PTBP3: variants seen among roughly 807,000 people sequenced by gnomAD.
PTBP3 encodes the protein polypyrimidine tract binding protein 3.
Under a neutral mutation model 58.7 loss-of-function variants are expected in PTBP3, and 20 were observed. That is an observed-to-expected ratio of 0.34 (90% CI 0.24 to 0.50). PTBP3 has a LOEUF of 0.50. PTBP3 is among the 20% of genes least tolerant of loss of function. The probability of loss-of-function intolerance (pLI) is 0.98; values close to 1 mark genes in which losing one functional copy is unlikely to be tolerated. For synonymous variants in PTBP3, 185 were observed against 219.8 expected, an observed-to-expected ratio of 0.84 and a Z score of 1.40; for missense variants, 509 against 637.2, an observed-to-expected ratio of 0.80 and a Z score of 2.17.
intron 1 of PTBP3, among the ~76,000 whole-genome samples, chr9:112,317,233 A>C (rs1424208581): frequency 6.6e-6 from 1 of 151,974 alleles, no homozygotes; most frequent in African/African-American, 2.4e-5. Context: ...CAACACAGTG[A>C]GACCCCATAT....
intron 10 of PTBP3, among the ~76,000 whole-genome samples, chr9:112,230,014 T>C (rs984975483): frequency 2.0e-5 from 3 of 152,190 alleles, no homozygotes; most frequent in African/African-American, 7.2e-5. Context: ...TGACTGCATA[T>C]GAGCATGAGG....
chr9:112,227,337 G>C, intron 12 of PTBP3, 74 bp downstream of exon 12: 1 of 1,517,426 alleles, frequency 6.6e-7, no homozygotes, highest in South Asian at 1.1e-5. Context: ...AATTTCAGAA[G>C]TTTTAACCTC....
chr9:112,299,071 G>A (rs1179837979), intron 1 of PTBP3, among the ~76,000 whole-genome samples: 2 of 152,118 alleles, frequency 1.3e-5, no homozygotes, highest in East Asian at 1.9e-4. Context: ...ACAGACTGTG[G>A]TTTGCTGGCT....
At chr9:112,265,855 A>G (rs1836778494) in intron 4 of PTBP3, among the ~76,000 whole-genome samples, 2 of 152,212 alleles carry the variant, frequency 1.3e-5, no homozygotes, top group African/African-American at 4.8e-5. Flanking sequence ...TGGAGTAAAA[A>G]AAAGACTGAA....
chr9:112,254,455 T>C (rs1005682590), intron 5 of PTBP3, among the ~76,000 whole-genome samples: 1 of 152,112 alleles, frequency 6.6e-6, no homozygotes, highest in Non-Finnish European at 1.5e-5. Flanking sequence ...AAGGAAACTA[T>C]CAACAGAGTG....
intron 1 of PTBP3, among the ~76,000 whole-genome samples, chr9:112,323,320 T>G (rs191541949): frequency 6.6e-6 from 1 of 152,340 alleles, no homozygotes; most frequent in Admixed American, 6.5e-5. Context: ...GGATCATGCC[T>G]CATTGCCCAA....
the PTBP3 span, among the ~76,000 whole-genome samples, chr9:112,369,178 T>C: frequency 6.6e-6 from 1 of 151,988 alleles, no homozygotes; most frequent in African/African-American, 2.4e-5. Context: ...AAATTTGGGG[T>C]GGAAACCCCT....
At chr9:112,345,011 T>C in the PTBP3 span, among the ~76,000 whole-genome samples, 1 of 152,014 alleles carries the variant, frequency 6.6e-6, no homozygotes, top group Non-Finnish European at 1.5e-5. Context: ...CACATACCTG[T>C]AGTCCCAGCT....
chr9:112,320,314 A>ATATATATATATATATT, intron 1 of PTBP3, among the ~76,000 whole-genome samples: 877 of 75,520 alleles, frequency 0.012, 13 homozygotes, highest in Non-Finnish European at 0.013. Flanking sequence ...ATATATATAT[A>ATATATATATATATATT]TTTTTTTTTA....
At chr9:112,320,312 ATATTTT>A (rs141681281) in intron 1 of PTBP3, among the ~76,000 whole-genome samples, 4 of 47,624 alleles carry the variant, frequency 8.4e-5, no homozygotes, top group African/African-American at 1.3e-4. Context: ...ATATATATAT[ATATTTT>A]TTTTTAAGTG....
intron 7 of PTBP3, among the ~76,000 whole-genome samples, chr9:112,240,945 T>C (rs913781129): frequency 1.3e-5 from 2 of 152,178 alleles, no homozygotes; most frequent in Non-Finnish European, 2.9e-5. Flanking sequence ...AAAAATATTT[T>C]TGAACAGCTT....
At chr9:112,346,320 C>T in the PTBP3 span, among the ~76,000 whole-genome samples, 6 of 151,816 alleles carry the variant, frequency 4.0e-5, no homozygotes, top group African/African-American at 1.5e-4. Context: ...GTGCGTGCCA[C>T]CATGCCCAGC....
chr9:112,232,833 C>G (rs969037210), intron 8 of PTBP3, among the ~76,000 whole-genome samples: 10 of 152,004 alleles, frequency 6.6e-5, no homozygotes, highest in African/African-American at 2.2e-4. Context: ...TATGGAAATC[C>G]TGAAAGCTCA....
intron 1 of PTBP3, among the ~76,000 whole-genome samples, chr9:112,307,357 G>A (rs904015286): frequency 6.6e-5 from 10 of 152,092 alleles, no homozygotes; most frequent in African/African-American, 2.4e-4. Flanking sequence ...TGGGGGCTGA[G>A]GTGGGAGGAT....
the PTBP3 span, among the ~76,000 whole-genome samples, chr9:112,353,048 C>T: frequency 6.6e-6 from 1 of 152,112 alleles, no homozygotes; most frequent in African/African-American, 2.4e-5. Context: ...TTACAGGTGC[C>T]TGCCACCACG....
chr9:112,226,358 C>T (rs6477899), intron 12 of PTBP3, among the ~76,000 whole-genome samples: 42,892 of 151,956 alleles, frequency 0.28, 6,859 homozygotes, highest in South Asian at 0.4. Context: ...ACTTCCCATT[C>T]TCATTCTCAA....
rs568028570 is a variant in PTBP3 at position 112,311,625 on chromosome 9, C to G, written c.-51-13709G>C. ...TGAGTATGCATGGATTTTGGCCCCCCCTAGATACTGAGGGACAACTGTACT... is the reference window on the plus strand; with the variant it reads ...TGAGTATGCATGGATTTTGGCCCCCGCTAGATACTGAGGGACAACTGTACT... On this transcript the variant is annotated intron_variant, in intron 1 of 13. Coordinates refer to ENST00000374257, the MANE Select transcript of PTBP3 (RefSeq NM_001163788.4). Among the ~76,000 whole-genome samples the G allele has an allele frequency of 7.2e-5, 11 of 152,096 alleles. 1 individual carries two copies. In the South Asian group the frequency reaches 2.1e-3, roughly 29 times the overall value.
chr9:112,250,836 G>T, intron 7 of PTBP3, 93 bp downstream of exon 7: 1 of 1,200,408 alleles, frequency 8.3e-7, no homozygotes, highest in South Asian at 2.8e-5. Context: ...GAGAGAACTC[G>T]AGAAGAAAAA....
chr9:112,299,548 C>T (rs1828826098), intron 1 of PTBP3, among the ~76,000 whole-genome samples: 1 of 151,970 alleles, frequency 6.6e-6, no homozygotes, highest in Non-Finnish European at 1.5e-5. Flanking sequence ...AAGAAAAACC[C>T]AAGATAACAG....
Sources: allele counts gnomAD v4.1 joint callset (sites outside exome capture counted in the v4.1 genomes callset), GRCh38; gene constraint gnomAD v4.1.1; transcripts MANE v1.5; gene names NCBI Gene and HGNC (gene_info 2026-07-23, HGNC 2026-07-21).